The following BIN2 variants were observed in gnomAD, a reference collection of about 807,000 sequenced individuals.
The protein encoded by BIN2 is breast cancer associated protein BRAP1.
Under a neutral mutation model 67.9 loss-of-function variants are expected in BIN2, and 43 were observed. The ratio of observed to expected loss-of-function variants is 0.63; its 90% CI spans 0.50 to 0.82. The LOEUF is 0.82. BIN2 is among the 40% of genes least tolerant of loss of function. BIN2 has a pLI of 0.00. For missense variants in BIN2, 581 were observed against 671.6 expected, an observed-to-expected ratio of 0.87 and a Z score of 1.49; for synonymous variants, 244 against 246.8, an observed-to-expected ratio of 0.99 and a Z score of 0.11.
intron 2 of BIN2, 64 bp from the exon 3 acceptor site, chr12:51,303,205 C>T: frequency 6.5e-7 from 1 of 1,537,020 alleles, no homozygotes; most frequent in South Asian, 1.1e-5. Context: ...CTCCAGAGGT[C>T]AAAGTCAAAA....
chr12:51,306,666 A>G (rs1945872168), intron 2 of BIN2, among the ~76,000 whole-genome samples: 1 of 152,200 alleles, frequency 6.6e-6, no homozygotes, highest in Non-Finnish European at 1.5e-5. Flanking sequence ...TGCTACAGAG[A>G]CGTTAGAATG....
At chr12:51,298,553 A>C (rs1463676450) in intron 7 of BIN2, among the ~76,000 whole-genome samples, 5 of 151,820 alleles carry the variant, frequency 3.3e-5, no homozygotes, top group Non-Finnish European at 7.4e-5. Flanking sequence ...TAAATAAATT[A>C]ATTAATTAAT....
At chr12:51,294,136 TAAC>T (rs563216396) in intron 9 of BIN2, among the ~76,000 whole-genome samples, 545 of 152,256 alleles carry the variant, frequency 3.6e-3, no homozygotes, top group Middle Eastern at 0.014. Flanking sequence ...AGGCATACAG[TAAC>T]AACTATAGAA....
At chr12:51,317,726 C>T (rs560689536) in intron 1 of BIN2, among the ~76,000 whole-genome samples, 27 of 152,224 alleles carry the variant, frequency 1.8e-4, no homozygotes, top group Admixed American at 1.0e-3. Context: ...CGGTGGCTCA[C>T]GCCTGTAATC....
At chr12:51,297,767 A>G (rs7955476) in intron 7 of BIN2, among the ~76,000 whole-genome samples, 82,511 of 151,842 alleles carry the variant, frequency 0.54, 22,559 homozygotes, top group Non-Finnish European at 0.57. Flanking sequence ...GAGGAGACAT[A>G]AAAGGGCTTT....
chr12:51,295,226 T>C (rs1945505348), intron 9 of BIN2, among the ~76,000 whole-genome samples: 1 of 127,714 alleles, frequency 7.8e-6, no homozygotes, highest in Non-Finnish European at 1.9e-5. Flanking sequence ...ATTATAGGCA[T>C]GAGCCACCAT....
chr12:51,298,376 A>C (rs1349123348), intron 7 of BIN2, among the ~76,000 whole-genome samples: 3 of 151,982 alleles, frequency 2.0e-5, no homozygotes, highest in Non-Finnish European at 2.9e-5. Context: ...GTCTCAAAAC[A>C]AAACAAACAA....
At chr12:51,303,191 G>T (rs771566835) in intron 2 of BIN2, 50 bp from the exon 3 acceptor site, 1 of 1,585,862 alleles carries the variant, frequency 6.3e-7, no homozygotes, top group East Asian at 2.2e-5. Flanking sequence ...TATTTCAAAA[G>T]ATGCTCCAGA....
intron 5 of BIN2, 117 bp from the exon 6 acceptor site, chr12:51,299,831 CGTT>C: frequency 1.0e-6 from 1 of 962,104 alleles, no homozygotes; most frequent in Non-Finnish European, 1.6e-6. Context: ...ATTTCACTTT[CGTT>C]GTTTTTTGCT....
At chr12:51,296,389 C>T (rs914667539) in intron 8 of BIN2, among the ~76,000 whole-genome samples, 8 of 151,524 alleles carry the variant, frequency 5.3e-5, no homozygotes, top group African/African-American at 1.5e-4. Flanking sequence ...CCCAGCTACT[C>T]GGGAGGCTGA....
In BIN2 at chr12:51,299,723, G is replaced by A; in HGVS notation, c.409-9C>T. 6.2e-7 allele frequency: 1 copy of A among 1,613,416 alleles called. No homozygotes were observed. The highest frequency in any genetic ancestry group is 8.5e-7 in the Non-Finnish European group (1 of 1,179,422). On this transcript the variant is annotated splice_polypyrimidine_tract_variant and intron_variant, in intron 5 of 12. Transcript: ENST00000615107. Reference sequence around the variant, plus strand: ...CGCTTGGCAATTCTCTCCTGACCCAGGGTAATGAGAAAGGGTGTGGATACT... The same window carrying A: ...CGCTTGGCAATTCTCTCCTGACCCAAGGTAATGAGAAAGGGTGTGGATACT...
At chr12:51,284,584 C>T in intron 12 of BIN2, 132 bp downstream of exon 12, 2 of 647,514 alleles carry the variant, frequency 3.1e-6, no homozygotes, top group South Asian at 2.0e-5. Context: ...CCTCTGATTC[C>T]CACCTGCTTG....
intron 2 of BIN2, among the ~76,000 whole-genome samples, chr12:51,313,195 G>A (rs1356281899): frequency 7.3e-6 from 1 of 137,856 alleles, no homozygotes; most frequent in Middle Eastern, 3.5e-3. Context: ...AGGAAGGAAG[G>A]AAGGAAGGAA....
chr12:51,285,170 T>G (rs1027295467), intron 11 of BIN2, among the ~76,000 whole-genome samples: 4 of 152,174 alleles, frequency 2.6e-5, no homozygotes, highest in Non-Finnish European at 4.4e-5. Context: ...AAGAATGTAC[T>G]GCAACTCTCA....
intron 9 of BIN2, 93 bp downstream of exon 9, chr12:51,295,703 A>G: frequency 2.1e-6 from 2 of 973,580 alleles, no homozygotes; most frequent in Non-Finnish European, 3.2e-6. Context: ...CATGCACATA[A>G]GGGACAGGTC....
At chr12:51,322,703 G>A (rs747699039) in intron 1 of BIN2, 7 of 151,808 alleles carry the variant, frequency 4.6e-5, no homozygotes, top group Non-Finnish European at 1.0e-4. Flanking sequence ...CCCTGCTCTC[G>A]GGTCTACCAG....
At chr12:51,310,455 C>T (rs189575621) in intron 2 of BIN2, among the ~76,000 whole-genome samples, 83 of 152,238 alleles carry the variant, frequency 5.5e-4, no homozygotes, top group African/African-American at 2.0e-3. Context: ...AATTTGGACA[C>T]TGACAGGATA....
At chr12:51,291,338 G>C (rs888654064) in intron 10 of BIN2, among the ~76,000 whole-genome samples, 3 of 152,158 alleles carry the variant, frequency 2.0e-5, no homozygotes, top group African/African-American at 7.2e-5. Context: ...GCCGGGTGCA[G>C]TGGCTCACAT....
intron 1 of BIN2, among the ~76,000 whole-genome samples, chr12:51,321,118 C>A (rs1258442958): frequency 1.4e-5 from 2 of 142,702 alleles, no homozygotes; most frequent in Non-Finnish European, 3.0e-5. Flanking sequence ...AGTGTTTCTA[C>A]TTCTGAGCTC....
Sources: gnomAD v4.1 joint callset for allele counts (sites outside exome capture counted in the v4.1 genomes callset) on GRCh38, gnomAD v4.1.1 for gene constraint, MANE v1.5 for transcripts, NCBI Gene and HGNC (gene_info 2026-07-23, HGNC 2026-07-21) for gene names.